The following MEGF11 variants were observed in gnomAD, a reference collection of about 807,000 sequenced individuals.
MEGF11 encodes multiple EGF like domains 11, also known as multiple epidermal growth factor-like domains protein 11.
A neutral mutation model predicts 146.6 loss-of-function variants in MEGF11; 126 were observed. That is an observed-to-expected ratio of 0.86 (90% CI 0.74 to 1.00). MEGF11 has a LOEUF of 1.00. Among genes scored for constraint, MEGF11 ranks in the 50% least tolerant of loss-of-function variants. The pLI is 0.00. For synonymous variants in MEGF11, 532 were observed against 583.4 expected (o/e 0.91, Z 1.27); for missense variants, 1,509 against 1,521.2 (o/e 0.99, Z 0.13).
intron 5 of MEGF11, among the ~76,000 whole-genome samples, chr15:66,027,494 C>T (rs2083374289): frequency 6.6e-6 from 1 of 152,178 alleles, no homozygotes; most frequent in Non-Finnish European, 1.5e-5. Context: ...TAATGGGTGC[C>T]CCATGCATTC....
At chr15:66,132,489 T>C (rs540016824) in intron 1 of MEGF11, among the ~76,000 whole-genome samples, 2 of 152,228 alleles carry the variant, frequency 1.3e-5, no homozygotes, top group Non-Finnish European at 2.9e-5. Flanking sequence ...TCAATCCCAG[T>C]CCATCTTCCC....
chr15:66,227,555 C>A (rs528305874), intron 1 of MEGF11, among the ~76,000 whole-genome samples: 1 of 152,218 alleles, frequency 6.6e-6, no homozygotes, highest in East Asian at 1.9e-4. Flanking sequence ...GAATTCTTTC[C>A]ACTTCTCTAT....
At chr15:66,152,619 C>T (rs1200571228) in intron 1 of MEGF11, among the ~76,000 whole-genome samples, 2 of 152,346 alleles carry the variant, frequency 1.3e-5, no homozygotes, top group East Asian at 3.9e-4. Context: ...CCATGCTTCT[C>T]TCTGGACCAT....
chr15:66,017,430 A>T (rs1206313034), intron 5 of MEGF11, among the ~76,000 whole-genome samples: 1 of 152,240 alleles, frequency 6.6e-6, no homozygotes, highest in East Asian at 1.9e-4. Flanking sequence ...TGAGCGCCAG[A>T]TGACTTACTC....
chr15:65,991,429 A>G lies in MEGF11; in HGVS notation c.395-8941T>C, dbSNP rs115393777. On this transcript the variant is annotated intron_variant, in intron 5 of 25. Coordinates refer to ENST00000395614, the MANE Select transcript of MEGF11 (RefSeq NM_001385028.1). ...GAAAACTGAGGTTCAGAGGCATTAA[A>G]TAACTAAATCAGGGCTTCTCAACCT... 2.1e-3 allele frequency among the ~76,000 whole-genome samples: 313 copies of G among 152,346 alleles called. 2 individuals are homozygous for G. Among genetic ancestry groups the G allele is most frequent in the African/African-American group, 7.2e-3 (298 of 41,580 alleles).
At position 66,248,876 on chromosome 15, in the gene MEGF11, G is replaced by A. The variant is rs992784794; in HGVS notation, c.-9+4729C>T. ...TAAGCCTGCATAATTACTGCAGCCA[G>A]CTTTATTTGCTATAAAAACATGGAT... On this transcript the variant is annotated intron_variant, in intron 1 of 25. Transcript: ENST00000395614. Among the ~76,000 whole-genome samples, 24 of 152,356 alleles carry A rather than the reference G, an allele frequency of 1.6e-4. 1 individual carries two copies. The South Asian group carries it at 5.0e-3, about 32-fold the overall frequency.
chr15:66,028,564 A>T (rs1006675779), intron 5 of MEGF11, among the ~76,000 whole-genome samples: 3 of 152,242 alleles, frequency 2.0e-5, no homozygotes, highest in African/African-American at 7.2e-5. Flanking sequence ...AATGGAAATC[A>T]TTCAAAAGAA....
At chr15:66,102,340 A>G (rs1344357703) in intron 4 of MEGF11, among the ~76,000 whole-genome samples, 1 of 7,490 alleles carries the variant, frequency 1.3e-4, no homozygotes, top group East Asian at 5.4e-3. Flanking sequence ...TTCTCCATTC[A>G]TCAAGCTGAG....
intron 5 of MEGF11, among the ~76,000 whole-genome samples, chr15:66,057,469 C>T (rs1032911981): frequency 9.2e-5 from 14 of 152,084 alleles, no homozygotes; most frequent in African/African-American, 3.1e-4. Context: ...CGTAGGATAC[C>T]TTGTAATCAC....
At chr15:65,919,624 C>T (rs2079111553) in intron 15 of MEGF11, among the ~76,000 whole-genome samples, 1 of 152,184 alleles carries the variant, frequency 6.6e-6, no homozygotes, top group Non-Finnish European at 1.5e-5. Flanking sequence ...GCAGAGTTGC[C>T]ACAAACCTTT....
At chr15:65,991,543 C>T (rs985144841) in intron 5 of MEGF11, among the ~76,000 whole-genome samples, 16 of 152,302 alleles carry the variant, frequency 1.1e-4, no homozygotes, top group Non-Finnish European at 2.1e-4. Context: ...CCTCTACCCA[C>T]GAGATGCCAG....
intron 5 of MEGF11, among the ~76,000 whole-genome samples, chr15:66,005,731 T>C (rs1391637910): frequency 6.6e-6 from 1 of 152,212 alleles, no homozygotes; most frequent in Non-Finnish European, 1.5e-5. Context: ...TTCATACTCA[T>C]TGAGCTGAGG....
intron 5 of MEGF11, among the ~76,000 whole-genome samples, chr15:66,066,947 G>A (rs932643087): frequency 6.6e-6 from 1 of 152,236 alleles, no homozygotes; most frequent in African/African-American, 2.4e-5. Context: ...TCTCCTCCGT[G>A]TGAGGGTGGA....
intron 17 of MEGF11, chr15:65,916,525 G>C: frequency 1.5e-6 from 1 of 654,442 alleles, no homozygotes; most frequent in Non-Finnish European, 2.6e-6. Flanking sequence ...TTCCTGTGTG[G>C]ACACAGGCTG....
At chr15:66,058,166 G>A (rs1027167128) in intron 5 of MEGF11, among the ~76,000 whole-genome samples, 3 of 152,070 alleles carry the variant, frequency 2.0e-5, no homozygotes, top group East Asian at 3.9e-4. Flanking sequence ...GATGGAAGCC[G>A]GGGCCATATC....
At chr15:66,090,020 G>A (rs2086258420) in intron 5 of MEGF11, among the ~76,000 whole-genome samples, 1 of 152,188 alleles carries the variant, frequency 6.6e-6, no homozygotes, top group African/African-American at 2.4e-5. Context: ...AGAATTATCT[G>A]ATAGTTGGTG....
intron 1 of MEGF11, among the ~76,000 whole-genome samples, chr15:66,156,129 A>C (rs1446163115): frequency 2.6e-5 from 4 of 152,118 alleles, no homozygotes; most frequent in African/African-American, 9.7e-5. Flanking sequence ...GGAGTCCCAA[A>C]GTCTCCAGGT....
Position 66,107,060 on chromosome 15 carries a change from C to CCCCCCT in MEGF11, c.301+12025_301+12026insAGGGGG, listed in dbSNP as rs111544754. On this transcript the variant is annotated intron_variant, in intron 4 of 25. Transcript: ENST00000395614. Reference sequence around the variant, plus strand: ...GTTCAATGTTTATATTCCTACCCCCCCACCAGGTATAGACAGGGAGGGGAT... The same window carrying CCCCCCT: ...GTTCAATGTTTATATTCCTACCCCCCCCCCCTCACCAGGTATAGACAGGGAGGGGAT... Among the ~76,000 whole-genome samples the CCCCCCT allele has an allele frequency of 8.9e-4, 134 of 150,838 alleles. 1 individual carries two copies. The South Asian group carries it at 0.013, about 14-fold the overall frequency.
chr15:65,952,270 G>A (rs949752294), intron 10 of MEGF11, among the ~76,000 whole-genome samples: 1 of 152,098 alleles, frequency 6.6e-6, no homozygotes, highest in Admixed American at 6.6e-5. Context: ...TGAGATTAGG[G>A]TAGACTAGGT....
Sources: gnomAD v4.1 joint callset for allele counts (sites outside exome capture counted in the v4.1 genomes callset) on GRCh38, gnomAD v4.1.1 for gene constraint, MANE v1.5 for transcripts, NCBI Gene and HGNC (gene_info 2026-07-23, HGNC 2026-07-21) for gene names.